The following TM9SF2 variants were observed in gnomAD, a reference collection of about 807,000 sequenced individuals.
The protein encoded by TM9SF2 is transmembrane 9 superfamily member 2.
Under a neutral mutation model 84.9 loss-of-function variants are expected in TM9SF2, and 13 were observed. That is an observed-to-expected ratio of 0.15 (90% confidence interval 0.10 to 0.24). The LOEUF is 0.24. Ranked by LOEUF, TM9SF2 falls within the 10% of genes least tolerant of loss-of-function variation. The pLI is 1.00. For missense variants in TM9SF2, 562 were observed against 818.5 expected, an observed-to-expected ratio of 0.69 and a Z score of 3.82; for synonymous variants, 273 against 285.8, an observed-to-expected ratio of 0.96 and a Z score of 0.45.
chr13:99,550,776 A>T (rs1359638355), intron 12 of TM9SF2, among the ~76,000 whole-genome samples: 1 of 152,162 alleles, frequency 6.6e-6, no homozygotes, highest in Non-Finnish European at 1.5e-5. Context: ...TTCAGGTTTT[A>T]AAAAAAATTT....
intron 6 of TM9SF2, among the ~76,000 whole-genome samples, chr13:99,538,175 G>C (rs543074172): frequency 6.6e-6 from 1 of 152,298 alleles, no homozygotes; most frequent in Admixed American, 6.5e-5. Context: ...CCCCTTCGTG[G>C]TGGAAAGAAC....
chr13:99,549,192 A>T lies in TM9SF2; in HGVS notation c.1298A>T (p.Asn433Ile). 6.2e-7 allele frequency: 1 copy of T among 1,613,492 alleles called. No individual in the cohort carries two copies. The highest frequency in any genetic ancestry group is 8.5e-7 in the Non-Finnish European group (1 of 1,179,660). ...KSFGGEKWKT[N>I]VLLTSFLCPG... ...TTTGGAGGTGAGAAGTGGAAAACAA[A>T]TGTTTTATTAACATCATTTCTTTGT... Residue 433 changes from asparagine (N) to isoleucine (I), a missense_variant, in exon 12 of 17, where the codon AAT becomes ATT. Physicochemically the swap from Asn to Ile is moderately radical, Grantham distance 149. Coordinates refer to ENST00000376387, the MANE Select transcript of TM9SF2 (RefSeq NM_004800.3).
Position 99,552,120 on chromosome 13 carries a change from C to G in TM9SF2, c.1329-47C>G, listed in dbSNP as rs761431590. On this transcript the variant is annotated intron_variant, in intron 12 of 16. Transcript: ENST00000376387. ...TCATATTAATTACATACTACTGTTG[C>G]ATTTTGTTATCTCTGGTTTTACCCA... 42 of 1,566,056 alleles carry G rather than the reference C, an allele frequency of 2.7e-5. No homozygotes were observed. In the East Asian group the frequency reaches 9.0e-4, roughly 34 times the overall value.
At position 99,519,936 on chromosome 13, in the gene TM9SF2, G is replaced by T. The variant is rs895168983; in HGVS notation, c.240-100G>T. The T allele has an allele frequency of 7.4e-6, 7 of 952,242 alleles. No individual in the cohort carries two copies. The Admixed American group carries it at 1.5e-4, about 20-fold the overall frequency. 59.0% of individuals were successfully genotyped at this position (952,242 alleles called of 1,614,324 possible). A position where few individuals can be genotyped will look rare whatever the true frequency, so the allele number is the denominator to read the frequency against. On this transcript the variant is annotated intron_variant, in intron 2 of 16. Coordinates refer to ENST00000376387, the MANE Select transcript of TM9SF2 (RefSeq NM_004800.3). The stretch of plus-strand genomic sequence containing the variant: ...GATTTCTTACTCATCTACTAGAGCT[G>T]CTACAATGATCAGTACCTAATCTGC...
chr13:99,562,801 C>T lies in TM9SF2; in HGVS notation c.*43C>T. ...AGTTAAAACAGAAATAAATTAAACT[C>T]TTCATCAACAAAGACCTGTTTTTGT... is the stretch of plus-strand genomic sequence containing the variant. On this transcript the variant is annotated 3_prime_UTR_variant, in exon 17 of 17. Coordinates refer to ENST00000376387, the MANE Select transcript of TM9SF2 (RefSeq NM_004800.3). 7 of 1,585,108 alleles carry T rather than the reference C, an allele frequency of 4.4e-6. No individual in the cohort carries two copies. Among genetic ancestry groups the T allele is most frequent in the Non-Finnish European group, 6.0e-6 (7 of 1,161,466 alleles).
intron 3 of TM9SF2, among the ~76,000 whole-genome samples, chr13:99,524,305 G>A (rs1227399350): frequency 6.6e-6 from 1 of 152,122 alleles, no homozygotes; most frequent in African/African-American, 2.4e-5. Flanking sequence ...GTGAGGGGGT[G>A]GTGAAGAGGT....
chr13:99,503,745 A>G (rs1415065529), intron 1 of TM9SF2, among the ~76,000 whole-genome samples: 1 of 150,304 alleles, frequency 6.7e-6, no homozygotes, highest in Non-Finnish European at 1.5e-5. Flanking sequence ...AGAAGAAGTG[A>G]CATTTGAGAT....
intron 15 of TM9SF2, among the ~76,000 whole-genome samples, chr13:99,558,016 T>C (rs2046331160): frequency 6.6e-6 from 1 of 152,278 alleles, no homozygotes; most frequent in Non-Finnish European, 1.5e-5. Flanking sequence ...TGTGATGTAG[T>C]GTCCAGCTAC....
At chr13:99,524,046 A>G (rs1466268916) in intron 3 of TM9SF2, among the ~76,000 whole-genome samples, 1 of 152,216 alleles carries the variant, frequency 6.6e-6, no homozygotes, top group Admixed American at 6.5e-5. Flanking sequence ...AAGATAGAGC[A>G]TAGTAGGCAG....
chr13:99,517,238 C>G (rs1318023251), intron 1 of TM9SF2, among the ~76,000 whole-genome samples: 1 of 152,072 alleles, frequency 6.6e-6, no homozygotes, highest in Non-Finnish European at 1.5e-5. Flanking sequence ...CTCAGCCTCA[C>G]AAGTAGCTAG....
At chr13:99,525,553 A>ATTTT (rs34947354) in intron 3 of TM9SF2, among the ~76,000 whole-genome samples, 1 of 119,504 alleles carries the variant, frequency 8.4e-6, no homozygotes. Flanking sequence ...CTTATGATAG[A>ATTTT]TTTTTTTTTT....
chr13:99,536,513 T>A (rs1161345570), intron 4 of TM9SF2, 95 bp from the exon 5 acceptor site: 4 of 1,455,090 alleles, frequency 2.7e-6, no homozygotes, highest in Non-Finnish European at 3.7e-6. Context: ...ATTTACACAT[T>A]TAAATTTTAC....
rs111678997 is a variant in TM9SF2, at chr13:99,542,149, CAAA to C, written c.1017+498_1017+500del. Among the ~76,000 whole-genome samples the C allele has an allele frequency of 8.1e-3, 917 of 113,228 alleles. 7 individuals are homozygous for C. Among genetic ancestry groups the C allele is most frequent in the Non-Finnish European group, 0.014 (731 of 51,426 alleles). The allele number at this position is 113,228 out of a possible 152,430, so 74.3% of individuals were successfully genotyped here. On this transcript the variant is annotated intron_variant, in intron 9 of 16. Coordinates refer to ENST00000376387, the MANE Select transcript of TM9SF2 (RefSeq NM_004800.3). ...CTGGCAACAGAGCAAGACTCTGTCT[CAAA>C]AAAAAAAAAAAAAAATAGAAATGGA...
chr13:99,501,755 A>G lies in TM9SF2; in HGVS notation c.149A>G (p.Glu50Gly), dbSNP rs777785926. ...GLAPVNFCDE[E>G]KKSDECKAEI... is the part of the protein sequence containing the mutation. ...GCGCCCGTCAACTTCTGCGACGAAG[A>G]AAAAAAGAGCGACGAGTGCAAGGTG... is the stretch of plus-strand genomic sequence containing the variant. The change falls in exon 1 of 17, where the codon GAA (glutamate) becomes GGA (glycine). Residue 50 changes from glutamate (E) to glycine (G), a missense_variant. Glu to Gly is a moderately conservative substitution (Grantham distance 98). Transcript: ENST00000376387. 12 of 1,610,636 alleles carry G rather than the reference A, an allele frequency of 7.5e-6. No homozygotes were observed. Among genetic ancestry groups the G allele is most frequent in the Admixed American group, 6.7e-5 (4 of 59,556 alleles).
intron 4 of TM9SF2, among the ~76,000 whole-genome samples, chr13:99,533,219 T>G (rs1180459864): frequency 6.6e-6 from 1 of 152,186 alleles, no homozygotes; most frequent in Non-Finnish European, 1.5e-5. Flanking sequence ...TTCTAAATCA[T>G]AAAGCAATAC....
At chr13:99,559,219 T>TTCAATAGGACTTTCTC (rs2046335374) in intron 15 of TM9SF2, 144 bp from the exon 16 acceptor site, 1 of 655,688 alleles carries the variant, frequency 1.5e-6, no homozygotes, top group African/African-American at 1.9e-5. Context: ...ATGGGTGAAG[T>TTCAATAGGACTTTCTC]TCAATAGGAG....
intron 3 of TM9SF2, among the ~76,000 whole-genome samples, chr13:99,522,321 C>G (rs1026355312): frequency 2.0e-5 from 3 of 152,126 alleles, no homozygotes; most frequent in Admixed American, 6.6e-5. Context: ...ATGCCCGGCC[C>G]CTTTCAAATA....
intron 16 of TM9SF2, 149 bp from the exon 17 acceptor site, chr13:99,562,542 G>C: frequency 1.7e-6 from 1 of 601,234 alleles, no homozygotes; most frequent in South Asian, 2.5e-5. Context: ...TTTTTCAGAC[G>C]TGCTCATAGA....
At chr13:99,534,367 C>T (rs1311319034) in intron 4 of TM9SF2, among the ~76,000 whole-genome samples, 1 of 152,102 alleles carries the variant, frequency 6.6e-6, no homozygotes, top group African/African-American at 2.4e-5. Flanking sequence ...ATGAATACTC[C>T]AAATGTACTC....
Sources: gnomAD v4.1 joint callset for allele counts (sites outside exome capture counted in the v4.1 genomes callset) on GRCh38, gnomAD v4.1.1 for gene constraint, MANE v1.5 for transcripts, NCBI Gene and HGNC (gene_info 2026-07-23, HGNC 2026-07-21) for gene names.